LIN9: variants seen among roughly 807,000 people sequenced by gnomAD.
LIN9 encodes protein lin-9 homolog.
LIN9 carries 18 observed loss-of-function variants against 78.0 expected under a neutral mutation model. The ratio of observed to expected loss-of-function variants is 0.23; its 90% confidence interval spans 0.16 to 0.34. The LOEUF is 0.34. Among genes scored for constraint, LIN9 ranks in the 10% least tolerant of loss-of-function variants. LIN9 has a pLI of 1.00. For missense variants in LIN9, 451 were observed against 644.1 expected (o/e 0.70, Z 3.25); for synonymous variants, 192 against 215.2 (o/e 0.89, Z 0.94).
chr1:226,307,522 G>T (rs1410567003), intron 1 of LIN9, among the ~76,000 whole-genome samples: 1 of 152,220 alleles, frequency 6.6e-6, no homozygotes, highest in African/African-American at 2.4e-5. Flanking sequence ...TGTAACCCCA[G>T]CTATTCGGGA....
intron 1 of LIN9, among the ~76,000 whole-genome samples, chr1:226,303,123 A>C (rs1233076994): frequency 6.6e-6 from 1 of 152,344 alleles, no homozygotes; most frequent in South Asian, 2.1e-4. Flanking sequence ...ATGAAACACA[A>C]CTGTAAAGCA....
intron 1 of LIN9, among the ~76,000 whole-genome samples, chr1:226,303,451 G>C (rs951364494): frequency 1.3e-5 from 2 of 152,178 alleles, no homozygotes; most frequent in Admixed American, 6.5e-5. Context: ...AGGTGTTCAT[G>C]ATGAGCTTCT....
chr1:226,281,082 A>G (rs556610091), intron 6 of LIN9, among the ~76,000 whole-genome samples: 68 of 152,362 alleles, frequency 4.5e-4, no homozygotes, highest in Non-Finnish European at 5.9e-4. Flanking sequence ...AATCTTATTC[A>G]GCCACAAAAT....
At chr1:226,242,737 C>T (rs1451055795) in intron 11 of LIN9, among the ~76,000 whole-genome samples, 1 of 152,124 alleles carries the variant, frequency 6.6e-6, no homozygotes, top group Non-Finnish European at 1.5e-5. Context: ...CCTGCCTTCC[C>T]TTCCATCTCC....
At chr1:226,287,859 C>A (rs1661470614) in intron 4 of LIN9, 62 bp from the exon 5 acceptor site, 1 of 1,246,522 alleles carries the variant, frequency 8.0e-7, no homozygotes, top group South Asian at 1.4e-5. Context: ...ACATTTATAA[C>A]CCTGAATAAA....
intron 12 of LIN9, among the ~76,000 whole-genome samples, chr1:226,235,905 T>C (rs1009956765): frequency 6.6e-6 from 1 of 152,242 alleles, no homozygotes; most frequent in African/African-American, 2.4e-5. Flanking sequence ...TACATATACA[T>C]TGTATTTCCA....
chr1:226,277,746 A>C, intron 7 of LIN9, 29 bp downstream of exon 7: 1 of 1,589,130 alleles, frequency 6.3e-7, no homozygotes, highest in African/African-American at 1.4e-5. Flanking sequence ...ATTACAAGTC[A>C]AAAGAGTAAT....
intron 4 of LIN9, among the ~76,000 whole-genome samples, chr1:226,294,855 A>G (rs1264501478): frequency 6.6e-6 from 1 of 150,398 alleles, no homozygotes; most frequent in East Asian, 2.0e-4. Context: ...GCTGGAGTGC[A>G]GTGGCATGAT....
intron 7 of LIN9, among the ~76,000 whole-genome samples, chr1:226,269,002 G>A (rs987137513): frequency 1.3e-5 from 2 of 152,200 alleles, no homozygotes; most frequent in African/African-American, 2.4e-5. Context: ...TGATGACACA[G>A]ATGAACTGTG....
chr1:226,266,711 ATT>A (rs1183671277), intron 8 of LIN9, among the ~76,000 whole-genome samples: 1 of 151,940 alleles, frequency 6.6e-6, no homozygotes, highest in Non-Finnish European at 1.5e-5. Flanking sequence ...ATCAACTCTT[ATT>A]TAGCCAGGGA....
At chr1:226,284,362 T>C (rs561730959) in intron 6 of LIN9, among the ~76,000 whole-genome samples, 2 of 152,316 alleles carry the variant, frequency 1.3e-5, no homozygotes, top group African/African-American at 4.8e-5. Context: ...TTCATTACTT[T>C]GCTTTTTCAG....
At chr1:226,252,320 A>T (rs982867803) in intron 10 of LIN9, among the ~76,000 whole-genome samples, 2 of 136,804 alleles carry the variant, frequency 1.5e-5, no homozygotes, top group Non-Finnish European at 3.2e-5. Flanking sequence ...AAATAAATAA[A>T]TGAATGAATG....
intron 12 of LIN9, among the ~76,000 whole-genome samples, chr1:226,238,383 T>A (rs530596699): frequency 1.3e-5 from 2 of 152,262 alleles, no homozygotes; most frequent in Admixed American, 1.3e-4. Flanking sequence ...TATATCTCAG[T>A]ACTTTGGAAG....
At chr1:226,303,797 G>A (rs1662717573) in intron 1 of LIN9, among the ~76,000 whole-genome samples, 1 of 152,186 alleles carries the variant, frequency 6.6e-6, no homozygotes, top group African/African-American at 2.4e-5. Flanking sequence ...AGTAGAGACA[G>A]GGTTTCGCCA....
intron 11 of LIN9, among the ~76,000 whole-genome samples, chr1:226,242,143 A>G (rs1658155524): frequency 6.6e-6 from 1 of 152,258 alleles, no homozygotes; most frequent in African/African-American, 2.4e-5. Context: ...TGAAAGAGAA[A>G]GACAAATGGA....
intron 4 of LIN9, 112 bp downstream of exon 4, chr1:226,295,730 G>T (rs796262010): frequency 6.4e-6 from 4 of 627,460 alleles, no homozygotes; most frequent in Middle Eastern, 2.6e-4. Context: ...GCAGCCGTAC[G>T]AATTTAAAGA....
rs190013153 is a variant in LIN9 at position 226,266,155 on chromosome 1, A to G, written c.936+58T>C. 356 of 1,258,640 alleles carry G rather than the reference A, an allele frequency of 2.8e-4. 2 individuals carry two copies. The African/African-American group carries it at 5.0e-3, about 18-fold the overall frequency. 78.0% of individuals were successfully genotyped at this position (1,258,640 alleles called of 1,614,324 possible). On this transcript the variant is annotated intron_variant, in intron 9 of 14. Transcript: ENST00000681046. Reference sequence around the variant, plus strand: ...TGTAATAGATGTGTATTTCTTAAGAACATAGTTCACCTTCATAAAAATCAA... The same window carrying G: ...TGTAATAGATGTGTATTTCTTAAGAGCATAGTTCACCTTCATAAAAATCAA...
chr1:226,253,440 C>T (rs1023012016), intron 10 of LIN9, among the ~76,000 whole-genome samples: 1 of 151,394 alleles, frequency 6.6e-6, no homozygotes, highest in African/African-American at 2.4e-5. Flanking sequence ...ACTACAGGCT[C>T]GCACCACCAC....
At chr1:226,275,727 A>T (rs577913090) in intron 7 of LIN9, among the ~76,000 whole-genome samples, 99 of 146,990 alleles carry the variant, frequency 6.7e-4, no homozygotes, top group African/African-American at 2.4e-3. Context: ...AAAAGAAAAA[A>T]TAGCTCTAGG....
Sources: allele counts gnomAD v4.1 joint callset (sites outside exome capture counted in the v4.1 genomes callset), GRCh38; gene constraint gnomAD v4.1.1; transcripts MANE v1.5; gene names NCBI Gene and HGNC (gene_info 2026-07-23, HGNC 2026-07-21).